The following CD1B variants were observed in gnomAD, a reference collection of about 807,000 sequenced individuals.
The protein encoded by CD1B is T-cell surface glycoprotein CD1b.
Under a neutral mutation model 39.8 loss-of-function variants are expected in CD1B, and 43 were observed. The ratio of observed to expected loss-of-function variants is 1.08; its 90% CI spans 0.85 to 1.39. The LOEUF (loss-of-function observed/expected upper bound fraction) is 1.39. Among genes scored for constraint, CD1B ranks in the 40% most tolerant of loss-of-function variants. The probability of loss-of-function intolerance (pLI) is 0.00; values close to 1 mark genes in which losing one functional copy is unlikely to be tolerated. For synonymous variants in CD1B, 192 were observed against 152.5 expected (o/e 1.26, Z -1.91); for missense variants, 495 against 403.8 (o/e 1.23, Z -1.94).
the CD1B span, among the ~76,000 whole-genome samples, chr1:158,319,123 A>G: frequency 6.6e-6 from 1 of 150,922 alleles, no homozygotes; most frequent in Admixed American, 6.6e-5. Context: ...AACTTTGGTG[A>G]ATCTGACAAT....
At chr1:158,310,240 T>C in the CD1B span, among the ~76,000 whole-genome samples, 1 of 152,150 alleles carries the variant, frequency 6.6e-6, no homozygotes, top group Non-Finnish European at 1.5e-5. Flanking sequence ...ATTCAATAAA[T>C]GGTGTTGTGC....
the CD1B span, among the ~76,000 whole-genome samples, chr1:158,318,681 T>A: frequency 6.6e-6 from 1 of 152,194 alleles, no homozygotes; most frequent in African/African-American, 2.4e-5. Context: ...TTAATATTGT[T>A]ATGTGTGAAT....
the CD1B span, among the ~76,000 whole-genome samples, chr1:158,313,503 G>T: frequency 2.0e-5 from 3 of 152,162 alleles, no homozygotes; most frequent in Non-Finnish European, 4.4e-5. Context: ...TAGAGACAAG[G>T]TTTCATCATG....
the CD1B span, chr1:158,292,388 T>A: frequency 6.3e-7 from 1 of 1,598,704 alleles, no homozygotes; most frequent in East Asian, 2.2e-5. Context: ...AGCCCCTTCC[T>A]CTAAGATTTT....
At chr1:158,330,602 G>A (rs986413882) in intron 2 of CD1B, 194 bp downstream of exon 2, 1 of 723,028 alleles carries the variant, frequency 1.4e-6, no homozygotes, top group Non-Finnish European at 2.5e-6. Context: ...AGAGAAGAGT[G>A]CAGAGGCAGC....
At chr1:158,303,632 C>T in the CD1B span, among the ~76,000 whole-genome samples, 6 of 151,956 alleles carry the variant, frequency 3.9e-5, no homozygotes, top group African/African-American at 1.5e-4. Flanking sequence ...TCAATAAAGT[C>T]CAGACCGAGA....
downstream of CD1B, among the ~76,000 whole-genome samples, chr1:158,324,187 T>C (rs1652274924): frequency 6.6e-6 from 1 of 152,184 alleles, no homozygotes; most frequent in East Asian, 1.9e-4. Flanking sequence ...CAAGACAAAA[T>C]TGGAGTGTAG....
chr1:158,328,357 C>T (rs1325172069), intron 5 of CD1B, 100 bp from the exon 6 acceptor site: 1 of 921,352 alleles, frequency 1.1e-6, no homozygotes, highest in Non-Finnish European at 1.7e-6. Flanking sequence ...GAAAGCAACC[C>T]AAGTGTCCAT....
At chr1:158,329,102 T>C in intron 4 of CD1B, 88 bp from the exon 5 acceptor site, 1 of 1,133,792 alleles carries the variant, frequency 8.8e-7, no homozygotes. Flanking sequence ...ACTTCCAATG[T>C]ATGGTCATTT....
At chr1:158,323,839 A>T (rs1652266125), downstream of CD1B, among the ~76,000 whole-genome samples, 1 of 152,188 alleles carries the variant, frequency 6.6e-6, no homozygotes, top group Admixed American at 6.5e-5. Flanking sequence ...CAGGGACCTA[A>T]GTCCAGGAGC....
rs1652427616 is a variant in CD1B, at chr1:158,328,108, A to T, written c.*128T>A. On this transcript the variant is annotated 3_prime_UTR_variant, in exon 6 of 6. Transcript: ENST00000368168. ...TGATGTTTAAATAATAATTTATTTT[A>T]AAATACATGAAAACTCTGATTTCAT... 1 of 750,968 alleles carries T rather than the reference A, an allele frequency of 1.3e-6. No individual in the cohort carries two copies. The highest frequency in any genetic ancestry group is 1.8e-5 in the African/African-American group (1 of 56,306). The allele number at this position is 750,968 out of a possible 1,614,324, so 46.5% of individuals were successfully genotyped here.
At chr1:158,315,784 G>A in the CD1B span, among the ~76,000 whole-genome samples, 1 of 151,992 alleles carries the variant, frequency 6.6e-6, no homozygotes, top group Admixed American at 6.6e-5. Context: ...GGTTTTTATG[G>A]TTTTAGCTCT....
downstream of CD1B, among the ~76,000 whole-genome samples, chr1:158,325,665 G>GCA (rs375819743): frequency 0.04 from 5,980 of 148,308 alleles, 396 homozygotes; most frequent in African/African-American, 0.14. Flanking sequence ...ACACACACAC[G>GCA]CACACACACA....
the CD1B span, among the ~76,000 whole-genome samples, chr1:158,310,343 T>C: frequency 3.0e-3 from 452 of 152,276 alleles, 3 homozygotes; most frequent in South Asian, 0.011. Flanking sequence ...GACTTAAATG[T>C]AAAACCTAAA....
the CD1B span, among the ~76,000 whole-genome samples, chr1:158,312,992 T>C: frequency 2.2e-3 from 342 of 152,302 alleles, 2 homozygotes; most frequent in African/African-American, 8.0e-3. Context: ...GTTTCTCATA[T>C]GTGGCTTTTA....
At chr1:158,296,776 A>G in the CD1B span, among the ~76,000 whole-genome samples, 1 of 152,230 alleles carries the variant, frequency 6.6e-6, no homozygotes, top group Non-Finnish European at 1.5e-5. Context: ...ACAGAGCTAA[A>G]AAATTCACTA....
chr1:158,293,399 C>T, the CD1B span: 2 of 1,602,284 alleles, frequency 1.2e-6, no homozygotes, highest in Non-Finnish European at 8.5e-7. Flanking sequence ...TCCACCTTAT[C>T]CTCAGTTACC....
In CD1B at chr1:158,330,956, A is replaced by G. The variant is rs1652578096; in HGVS notation, c.168T>C (p.His56=). 1.2e-6 allele frequency: 2 copies of G among 1,614,200 alleles called. No homozygotes were observed. The highest frequency in any genetic ancestry group is 8.5e-7 in the Non-Finnish European group (1 of 1,180,040). Reference sequence around the variant, plus strand: ...CAGTGCCTGAGTCGCTATCCCAGCCATGAATCTGCAAATCATCCAACCAGC... The same window carrying G: ...CAGTGCCTGAGTCGCTATCCCAGCCGTGAATCTGCAAATCATCCAACCAGC... The part of the protein sequence containing the change: ...GSGWLDDLQI[H]GWDSDSGTAI... The change falls in exon 2 of 6, where the codon CAT becomes CAC. Residue 56 remains histidine, a synonymous_variant. Coordinates refer to ENST00000368168, the MANE Select transcript of CD1B (RefSeq NM_001764.3).
the CD1B span, among the ~76,000 whole-genome samples, chr1:158,309,413 G>T: frequency 6.6e-6 from 1 of 152,152 alleles, no homozygotes; most frequent in Non-Finnish European, 1.5e-5. Context: ...CATTGTGGAG[G>T]TCAGTGTGGC....
Sources: allele counts gnomAD v4.1 joint callset (sites outside exome capture counted in the v4.1 genomes callset), GRCh38; gene constraint gnomAD v4.1.1; transcripts MANE v1.5; gene names NCBI Gene and HGNC (gene_info 2026-07-23, HGNC 2026-07-21).